Variants in PCDH9 observed in about 807,000 individuals in gnomAD.
PCDH9 encodes protocadherin-9.
A neutral mutation model predicts 70.6 loss-of-function variants in PCDH9; 24 were observed. The observed-to-expected ratio is 0.34, with a 90% CI of 0.25 to 0.48. PCDH9 has a LOEUF of 0.48. Among genes scored for constraint, PCDH9 ranks in the 20% least tolerant of loss-of-function variants. The probability of loss-of-function intolerance (pLI) is 0.99; values close to 1 mark genes in which losing one functional copy is unlikely to be tolerated. For missense variants in PCDH9, 1,281 were observed against 1,503.6 expected (o/e 0.85, Z 2.45); for synonymous variants, 562 against 558.5 (o/e 1.01, Z -0.09).
intron 4 of PCDH9, among the ~76,000 whole-genome samples, chr13:66,342,822 A>ATTTG: frequency 6.6e-6 from 1 of 150,528 alleles, no homozygotes; most frequent in African/African-American, 2.4e-5. Flanking sequence ...TTATTTATTT[A>ATTTG]TTTATTAGAG....
intron 4 of PCDH9, among the ~76,000 whole-genome samples, chr13:66,404,003 A>G (rs1957234780): frequency 6.6e-6 from 1 of 152,198 alleles, no homozygotes; most frequent in African/African-American, 2.4e-5. Flanking sequence ...CTGAGATTCT[A>G]CTGAAATGTC....
intron 2 of PCDH9, among the ~76,000 whole-genome samples, chr13:66,993,586 C>T (rs1171539991): frequency 1.3e-5 from 2 of 152,094 alleles, no homozygotes; most frequent in Admixed American, 1.3e-4. Context: ...CACTATCATA[C>T]CATTTACTAT....
chr13:66,420,117 C>T (rs1419332676), intron 4 of PCDH9, among the ~76,000 whole-genome samples: 1 of 152,164 alleles, frequency 6.6e-6, no homozygotes, highest in East Asian at 1.9e-4. Context: ...CAGACTGCCT[C>T]TCTAGATTCC....
At chr13:66,511,000 T>C (rs1251884559) in intron 4 of PCDH9, among the ~76,000 whole-genome samples, 6 of 152,126 alleles carry the variant, frequency 3.9e-5, no homozygotes, top group African/African-American at 1.4e-4. Flanking sequence ...TGTGGCAATG[T>C]TTCCTTTGCT....
At chr13:67,047,899 T>A (rs2085252631) in intron 2 of PCDH9, among the ~76,000 whole-genome samples, 3 of 152,306 alleles carry the variant, frequency 2.0e-5, no homozygotes, top group Admixed American at 1.3e-4. Flanking sequence ...TACCAGTTTA[T>A]CTACCAACAA....
intron 3 of PCDH9, among the ~76,000 whole-genome samples, chr13:66,761,640 G>T (rs951103955): frequency 2.0e-5 from 3 of 151,842 alleles, no homozygotes; most frequent in African/African-American, 7.3e-5. Flanking sequence ...ATGTATTGCA[G>T]TTTTCATTCC....
intron 2 of PCDH9, among the ~76,000 whole-genome samples, chr13:67,160,444 G>A (rs2087925577): frequency 6.6e-6 from 1 of 152,096 alleles, no homozygotes; most frequent in Non-Finnish European, 1.5e-5. Flanking sequence ...CTATTCGGGA[G>A]ACTGAGGCAG....
intron 2 of PCDH9, among the ~76,000 whole-genome samples, chr13:67,141,502 G>A (rs763130486): frequency 7.2e-5 from 11 of 151,924 alleles, no homozygotes; most frequent in Non-Finnish European, 1.2e-4. Flanking sequence ...GTGCAGTGGC[G>A]CAATGTCAGC....
At chr13:66,524,073 G>A (rs865876791) in intron 4 of PCDH9, among the ~76,000 whole-genome samples, 2 of 152,090 alleles carry the variant, frequency 1.3e-5, no homozygotes, top group African/African-American at 4.8e-5. Context: ...TAAATAAATA[G>A]TGGGAATGGG....
At chr13:66,927,921 A>C (rs1039438108) in intron 2 of PCDH9, among the ~76,000 whole-genome samples, 1 of 152,134 alleles carries the variant, frequency 6.6e-6, no homozygotes, top group East Asian at 1.9e-4. Flanking sequence ...CACATTTGTT[A>C]GCTGGAAAAT....
chr13:66,385,996 TAAAAA>T (rs60534095), intron 4 of PCDH9, among the ~76,000 whole-genome samples: 1 of 129,150 alleles, frequency 7.7e-6, no homozygotes. Context: ...ACGTATCTGA[TAAAAA>T]AAAAAAAAGG....
At chr13:66,900,128 G>A (rs2082253758) in intron 3 of PCDH9, among the ~76,000 whole-genome samples, 1 of 151,840 alleles carries the variant, frequency 6.6e-6, no homozygotes, top group South Asian at 2.1e-4. Context: ...GAGGTTTTTT[G>A]TTTGTTTGCT....
chr13:67,007,702 T>G (rs557646139), intron 2 of PCDH9, among the ~76,000 whole-genome samples: 1 of 152,326 alleles, frequency 6.6e-6, no homozygotes, highest in East Asian at 1.9e-4. Flanking sequence ...TGTCCACTTT[T>G]GTTTCCGTGT....
intron 4 of PCDH9, among the ~76,000 whole-genome samples, chr13:66,503,298 A>G (rs1189029061): frequency 6.6e-6 from 1 of 152,200 alleles, no homozygotes; most frequent in Admixed American, 6.5e-5. Context: ...GTTTGGCAAA[A>G]TAAATCAGTG....
intron 2 of PCDH9, among the ~76,000 whole-genome samples, chr13:66,963,644 T>G (rs1054005438): frequency 1.3e-5 from 2 of 152,214 alleles, no homozygotes; most frequent in African/African-American, 4.8e-5. Flanking sequence ...AGAGATTATG[T>G]GATATAATAT....
intron 3 of PCDH9, among the ~76,000 whole-genome samples, chr13:66,819,931 A>G (rs986770437): frequency 6.6e-6 from 1 of 152,134 alleles, no homozygotes; most frequent in African/African-American, 2.4e-5. Flanking sequence ...AGGTTTTACA[A>G]TAATCTCTTT....
intron 4 of PCDH9, among the ~76,000 whole-genome samples, chr13:66,318,663 C>T (rs966927414): frequency 6.6e-6 from 1 of 152,104 alleles, no homozygotes; most frequent in African/African-American, 2.4e-5. Flanking sequence ...CCATGAAATC[C>T]TGTATCTAGA....
intron 4 of PCDH9, among the ~76,000 whole-genome samples, chr13:66,421,226 G>C (rs1957561099): frequency 6.6e-6 from 1 of 152,100 alleles, no homozygotes; most frequent in Admixed American, 6.5e-5. Flanking sequence ...AAAGTAATGG[G>C]GAGAATGGAA....
At chr13:66,665,519 T>C (rs1036966985) in intron 3 of PCDH9, among the ~76,000 whole-genome samples, 2 of 152,204 alleles carry the variant, frequency 1.3e-5, no homozygotes, top group African/African-American at 4.8e-5. Flanking sequence ...ATCCTGGTAG[T>C]TCATTAAGGG....
Sources: gnomAD v4.1 joint callset for allele counts (sites outside exome capture counted in the v4.1 genomes callset) on GRCh38, gnomAD v4.1.1 for gene constraint, MANE v1.5 for transcripts, NCBI Gene and HGNC (gene_info 2026-07-23, HGNC 2026-07-21) for gene names.